The following PGPEP1L variants were observed in gnomAD, a reference collection of about 807,000 sequenced individuals.
PGPEP1L encodes pyroglutamyl-peptidase I like, also known as pyroglutamyl-peptidase 1-like protein.
A neutral mutation model predicts 6.0 loss-of-function variants in PGPEP1L; 7 were observed. That is an observed-to-expected ratio of 1.17 (90% CI 0.66 to 2.19). The LOEUF (loss-of-function observed/expected upper bound fraction) is 2.19, where lower values mean the gene tolerates loss of function less well. PGPEP1L is among the 30% of genes most tolerant of loss of function. The pLI is 0.00. For synonymous variants in PGPEP1L, 103 were observed against 83.9 expected, an observed-to-expected ratio of 1.23 and a Z score of -1.24; for missense variants, 209 against 192.5, an observed-to-expected ratio of 1.09 and a Z score of -0.51.
intron 2 of PGPEP1L, among the ~76,000 whole-genome samples, chr15:98,976,988 G>A (rs1054895766): frequency 7.5e-6 from 1 of 133,596 alleles, no homozygotes; most frequent in African/African-American, 2.9e-5. Flanking sequence ...ACCCTAGAGA[G>A]GTCAAGTAAA....
chr15:98,975,867 C>T (rs567611563), intron 2 of PGPEP1L, among the ~76,000 whole-genome samples: 44 of 151,730 alleles, frequency 2.9e-4, no homozygotes, highest in African/African-American at 8.7e-4. Context: ...GGCGACAGAG[C>T]GAGACTCTGT....
intron 2 of PGPEP1L, among the ~76,000 whole-genome samples, chr15:98,977,834 G>A (rs554312114): frequency 2.0e-4 from 31 of 152,312 alleles, no homozygotes; most frequent in Middle Eastern, 3.4e-3. Flanking sequence ...TTTGCTGCAC[G>A]TATTTTACAA....
intron 2 of PGPEP1L, among the ~76,000 whole-genome samples, chr15:98,978,035 C>G (rs1287868505): frequency 6.6e-6 from 1 of 152,192 alleles, no homozygotes; most frequent in Non-Finnish European, 1.5e-5. Context: ...GTGAGCCCAG[C>G]AGGCTGTTGG....
intron 2 of PGPEP1L, among the ~76,000 whole-genome samples, chr15:98,991,641 C>G (rs1277125487): frequency 3.3e-5 from 5 of 151,930 alleles, no homozygotes; most frequent in African/African-American, 9.7e-5. Context: ...ACCTGGCAGA[C>G]AAACAACAAA....
Position 99,005,660 on chromosome 15 carries a change from G to A in PGPEP1L, c.-369-4C>T, listed in dbSNP as rs1250523062. ...TGGGCCCCGAAAGGCCAAGGATCTAGGGGAGGGTGATAAAGCAATGCCCCT... is the reference window on the plus strand; with the variant it reads ...TGGGCCCCGAAAGGCCAAGGATCTAAGGGAGGGTGATAAAGCAATGCCCCT... On this transcript the variant is annotated splice_region_variant and splice_polypyrimidine_tract_variant and intron_variant, in intron 1 of 4. Transcript: ENST00000535714. 2.0e-5 allele frequency: 3 copies of A among 152,310 alleles called. No individual in the cohort carries two copies. Among genetic ancestry groups the A allele is most frequent in the African/African-American group, 7.2e-5 (3 of 41,470 alleles). The allele number at this position is 152,310 out of a possible 1,614,324, so 9.4% of individuals were successfully genotyped here.
At chr15:99,005,001 A>C (rs2018029398) in intron 2 of PGPEP1L, among the ~76,000 whole-genome samples, 1 of 151,720 alleles carries the variant, frequency 6.6e-6, no homozygotes, top group Admixed American at 6.6e-5. Flanking sequence ...ATGGGTTTGC[A>C]AGCCTTGTGA....
intron 2 of PGPEP1L, chr15:99,001,378 T>G: frequency 5.5e-6 from 1 of 180,726 alleles, no homozygotes; most frequent in South Asian, 9.2e-5. Flanking sequence ...AGTATATTAG[T>G]GGTTGCCAGA....
At chr15:98,969,694 G>A in intron 3 of PGPEP1L, 43 bp from the exon 4 acceptor site, 1 of 1,587,124 alleles carries the variant, frequency 6.3e-7, no homozygotes, top group Non-Finnish European at 8.6e-7. Flanking sequence ...GGAAAACGAG[G>A]CCCACCCTGC....
chr15:99,006,413 C>T (rs1228064170), intron 1 of PGPEP1L, among the ~76,000 whole-genome samples: 1 of 152,256 alleles, frequency 6.6e-6, no homozygotes, highest in Non-Finnish European at 1.5e-5. Flanking sequence ...CCTGGCTCTG[C>T]AGACAGTCCT....
At chr15:98,992,624 A>C (rs2151763207) in intron 2 of PGPEP1L, among the ~76,000 whole-genome samples, 1 of 152,348 alleles carries the variant, frequency 6.6e-6, no homozygotes, top group East Asian at 1.9e-4. Flanking sequence ...ACCAAAAAAG[A>C]GCCTGCATAG....
chr15:98,976,043 C>T (rs946254092), intron 2 of PGPEP1L, among the ~76,000 whole-genome samples: 7 of 151,738 alleles, frequency 4.6e-5, no homozygotes, highest in Admixed American at 2.6e-4. Context: ...AAAGAACATA[C>T]AGTGATTACC....
At chr15:99,000,614 T>A (rs1427297409) in intron 2 of PGPEP1L, among the ~76,000 whole-genome samples, 3 of 152,170 alleles carry the variant, frequency 2.0e-5, no homozygotes, top group African/African-American at 7.2e-5. Flanking sequence ...CAATCGACGC[T>A]CTGTATCTAG....
chr15:98,969,018 GA>G (rs1266172290), intron 4 of PGPEP1L, among the ~76,000 whole-genome samples: 1 of 152,172 alleles, frequency 6.6e-6, no homozygotes, highest in Non-Finnish European at 1.5e-5. Flanking sequence ...GGGGAAAGGG[GA>G]AAAACCACCT....
chr15:99,002,459 T>C (rs781860622), intron 2 of PGPEP1L, among the ~76,000 whole-genome samples: 13 of 151,850 alleles, frequency 8.6e-5, no homozygotes, highest in Admixed American at 2.6e-4. Context: ...GTGGTGGTGG[T>C]GATAGGAAGC....
chr15:98,969,110 G>A (rs956065766), intron 4 of PGPEP1L, among the ~76,000 whole-genome samples: 2 of 152,154 alleles, frequency 1.3e-5, no homozygotes, highest in African/African-American at 4.8e-5. Context: ...TCACAACTTC[G>A]GTCACCCCAA....
chr15:98,979,468 G>A (rs1399627045), intron 2 of PGPEP1L, among the ~76,000 whole-genome samples: 7 of 152,052 alleles, frequency 4.6e-5, no homozygotes, highest in Non-Finnish European at 7.4e-5. Flanking sequence ...TTTAATAAGT[G>A]CCCAACAATT....
At chr15:98,983,563 A>G (rs768878040) in intron 2 of PGPEP1L, among the ~76,000 whole-genome samples, 13 of 152,142 alleles carry the variant, frequency 8.5e-5, no homozygotes, top group Non-Finnish European at 1.3e-4. Flanking sequence ...CTAAGCATGT[A>G]ATTTCTTTTG....
chr15:98,990,219 C>A (rs1337379188), intron 2 of PGPEP1L, among the ~76,000 whole-genome samples: 1 of 151,208 alleles, frequency 6.6e-6, no homozygotes. Context: ...CCATTGGTGT[C>A]TCACGTGCAA....
chr15:98,983,091 T>C (rs1489087818), intron 2 of PGPEP1L, among the ~76,000 whole-genome samples: 1 of 152,016 alleles, frequency 6.6e-6, no homozygotes, highest in Non-Finnish European at 1.5e-5. Context: ...TATATGTGTT[T>C]GTATTCACCT....
Sources: allele counts gnomAD v4.1 joint callset (sites outside exome capture counted in the v4.1 genomes callset), GRCh38; gene constraint gnomAD v4.1.1; transcripts MANE v1.5; gene names NCBI Gene and HGNC (gene_info 2026-07-23, HGNC 2026-07-21).